The following PARVB variants were observed in gnomAD, a reference collection of about 807,000 sequenced individuals.
PARVB encodes the protein beta-parvin.
In PARVB, 46 loss-of-function variants were observed where a neutral mutation model predicts 47.0. The observed-to-expected ratio is 0.98, with a 90% CI of 0.77 to 1.25. The LOEUF is 1.25. Among genes scored for constraint, PARVB ranks in the 50% most tolerant of loss-of-function variants. The probability of loss-of-function intolerance (pLI) is 0.00; values close to 1 mark genes in which losing one functional copy is unlikely to be tolerated. For missense variants in PARVB, 473 were observed against 471.6 expected, an observed-to-expected ratio of 1.00 and a Z score of -0.03; for synonymous variants, 196 against 196.3, an observed-to-expected ratio of 1.00 and a Z score of 0.01.
Position 44,113,505 on chromosome 22 carries a change from G to C in PARVB, c.274-5533G>C, listed in dbSNP as rs1248734335. On this transcript the variant is annotated intron_variant, in intron 3 of 12. Transcript: ENST00000338758. Reference sequence around the variant, plus strand: ...ACACAGATACGTTGTTACTAAGTAAGGCCCTGTACCAACACAGATACATTG... The same window carrying C: ...ACACAGATACGTTGTTACTAAGTAACGCCCTGTACCAACACAGATACATTG... 3.3e-5 allele frequency: 2 copies of C among 59,900 alleles called. 1 individual carries two copies. Among genetic ancestry groups the C allele is most frequent in the East Asian group, 1.5e-3 (2 of 1,358 alleles). The allele number at this position is 59,900 out of a possible 1,614,324, so 3.7% of individuals were successfully genotyped here.
chr22:44,020,267 C>T (rs1190353697), upstream of PARVB, among the ~76,000 whole-genome samples: 2 of 151,848 alleles, frequency 1.3e-5, no homozygotes, highest in Non-Finnish European at 2.9e-5. Context: ...ACCTCGACCT[C>T]CTGGGCTCAA....
At chr22:44,072,955 C>T (rs760436698) in intron 1 of PARVB, among the ~76,000 whole-genome samples, 1 of 152,144 alleles carries the variant, frequency 6.6e-6, no homozygotes, top group Non-Finnish European at 1.5e-5. Flanking sequence ...CCCTCCTGAG[C>T]CCCCAGCCTT....
upstream of PARVB, among the ~76,000 whole-genome samples, chr22:44,022,803 G>A (rs2050666611): frequency 6.6e-6 from 1 of 151,404 alleles, no homozygotes; most frequent in African/African-American, 2.4e-5. Flanking sequence ...CTGGAGTGCA[G>A]TAGCATGATC....
rs190076571 is a variant in PARVB, at chr22:44,065,898, T to C, written c.113-28030T>C. ...GTGTGTGTATACACTGAAATTTCTT[T>C]ATCCACTCATTGATTGATGGGCATT... On this transcript the variant is annotated intron_variant, in intron 1 of 12. Transcript: ENST00000338758. Among the ~76,000 whole-genome samples, 343 of 152,282 alleles carry C rather than the reference T, an allele frequency of 2.3e-3. 3 individuals carry two copies. The highest frequency in any genetic ancestry group is 7.8e-3 in the African/African-American group (326 of 41,554).
intron 1 of PARVB, among the ~76,000 whole-genome samples, chr22:44,034,678 C>A (rs1391187197): frequency 1.8e-4 from 9 of 49,718 alleles, no homozygotes; most frequent in Non-Finnish European, 4.4e-4. Flanking sequence ...AGGCACTGAC[C>A]CCCATGCAGT....
At chr22:44,145,161 C>T (rs2053637303) in intron 8 of PARVB, 1 of 152,356 alleles carries the variant, frequency 6.6e-6, no homozygotes, top group Admixed American at 6.5e-5. Context: ...ATGCTCCTGC[C>T]TCTACTCACT....
Position 44,136,441 on chromosome 22 carries a change from T to A in PARVB, c.634-19T>A. 6.2e-7 allele frequency: 1 copy of A among 1,612,236 alleles called. No homozygotes were observed. Among genetic ancestry groups the A allele is most frequent in the East Asian group, 2.2e-5 (1 of 44,864 alleles). ...ACTCTCCACTGCCTGATTTTGTATG[T>A]TTATTTTGGGGTTTTCAGAAACGGG... On this transcript the variant is annotated intron_variant, in intron 6 of 12. Coordinates refer to ENST00000338758, the MANE Select transcript of PARVB (RefSeq NM_013327.5).
intron 3 of PARVB, chr22:44,110,928 A>C (rs542891435): frequency 6.6e-6 from 1 of 152,310 alleles, no homozygotes; most frequent in African/African-American, 2.4e-5. Context: ...CTGCTTGTCA[A>C]GTTCTTTAGA....
At chr22:44,046,980 C>T (rs2051124437) in intron 1 of PARVB, among the ~76,000 whole-genome samples, 1 of 152,130 alleles carries the variant, frequency 6.6e-6, no homozygotes, top group African/African-American at 2.4e-5. Flanking sequence ...GTGGGGATGG[C>T]CCGGGGGCCG....
chr22:44,117,513 G>A (rs2052936537), intron 3 of PARVB, among the ~76,000 whole-genome samples: 1 of 152,212 alleles, frequency 6.6e-6, no homozygotes, highest in African/African-American at 2.4e-5. Flanking sequence ...AAGCAGGGTA[G>A]TTGGTGCTGT....
intron 2 of PARVB, among the ~76,000 whole-genome samples, chr22:44,006,610 C>T (rs1476829860): frequency 2.0e-5 from 3 of 152,192 alleles, no homozygotes; most frequent in South Asian, 2.1e-4. Flanking sequence ...GGTGACAGAG[C>T]GAGACTACAT....
chr22:44,041,444 A>G (rs1601515618), intron 1 of PARVB, among the ~76,000 whole-genome samples: 2 of 152,166 alleles, frequency 1.3e-5, no homozygotes, highest in East Asian at 3.9e-4. Context: ...GTGAACTGAA[A>G]TTGTGCCACT....
At position 44,012,344 on chromosome 22, in the gene PARVB, C is replaced by T. The variant is rs181977269; in HGVS notation, c.211+12671C>T. The stretch of plus-strand genomic sequence containing the variant: ...CTTCCAAAATCATTTGAGTGAAAGA[C>T]GGTTGATCAGTGTAGTTGGTGATTC... On this transcript the variant is annotated intron_variant, in intron 2 of 13. Coordinates refer to the PARVB transcript ENST00000406477. 7.3e-4 allele frequency among the ~76,000 whole-genome samples: 111 copies of T among 152,306 alleles called. No homozygotes were observed. The East Asian group carries it at 0.015, about 21-fold the overall frequency.
In PARVB at chr22:44,169,061, G is replaced by A. The variant is rs2054237334; in HGVS notation, c.*383G>A. ...GAGAGCACCCTGCATTCTGCCTCAT[G>A]GTGCAGTTAGCGATCACAGGCCTTC... On this transcript the variant is annotated 3_prime_UTR_variant, in exon 13 of 13. Coordinates refer to ENST00000338758, the MANE Select transcript of PARVB (RefSeq NM_013327.5). 5.3e-6 allele frequency: 1 copy of A among 187,948 alleles called. No homozygotes were observed. The highest frequency in any genetic ancestry group is 2.4e-5 in the African/African-American group (1 of 41,174). The allele number at this position is 187,948 out of a possible 1,614,324, so 11.6% of individuals were successfully genotyped here. A position where few individuals can be genotyped will look rare whatever the true frequency, so the allele number is the denominator to read the frequency against.
At chr22:44,136,610 A>G (rs2147175568) in intron 7 of PARVB, 92 bp downstream of exon 7, 1 of 1,032,132 alleles carries the variant, frequency 9.7e-7, no homozygotes, top group Non-Finnish European at 1.5e-6. Flanking sequence ...ACCAGCGCCC[A>G]TGGGGCTGCT....
intron 8 of PARVB, chr22:44,145,945 G>A (rs1387928380): frequency 6.6e-6 from 1 of 151,850 alleles, no homozygotes; most frequent in East Asian, 1.9e-4. Flanking sequence ...GTCTTATTGA[G>A]TGTAGTCTTA....
intron 2 of PARVB, among the ~76,000 whole-genome samples, chr22:44,003,445 G>A (rs1234935977): frequency 6.6e-6 from 1 of 152,100 alleles, no homozygotes; most frequent in African/African-American, 2.4e-5. Flanking sequence ...GAAATCAAGT[G>A]GAATGGAATT....
At chr22:44,070,015 A>G (rs912263113) in intron 1 of PARVB, among the ~76,000 whole-genome samples, 2 of 152,146 alleles carry the variant, frequency 1.3e-5, no homozygotes, top group African/African-American at 2.4e-5. Flanking sequence ...ATTAGCGCCC[A>G]TCGTGACGGT....
intron 11 of PARVB, among the ~76,000 whole-genome samples, chr22:44,158,723 C>T (rs770214947): frequency 2.6e-5 from 4 of 152,246 alleles, no homozygotes; most frequent in African/African-American, 4.8e-5. Context: ...CTGCTGTCTG[C>T]CCTCTGTCCA....
Sources: gnomAD v4.1 joint callset for allele counts (sites outside exome capture counted in the v4.1 genomes callset) on GRCh38, gnomAD v4.1.1 for gene constraint, MANE v1.5 for transcripts, NCBI Gene and HGNC (gene_info 2026-07-23, HGNC 2026-07-21) for gene names.